Variants in PHACTR3 observed in about 807,000 individuals in gnomAD.
The protein encoded by PHACTR3 is protein phosphatase 1, regulatory subunit 123.
A neutral mutation model predicts 66.8 loss-of-function variants in PHACTR3; 16 were observed. The ratio of observed to expected loss-of-function variants is 0.24; its 90% CI spans 0.16 to 0.36. PHACTR3 has a LOEUF of 0.36. Among genes scored for constraint, PHACTR3 ranks in the 10% least tolerant of loss-of-function variants. The pLI is 1.00. For missense variants in PHACTR3, 647 were observed against 719.9 expected, an observed-to-expected ratio of 0.90 and a Z score of 1.16; for synonymous variants, 323 against 292.1, an observed-to-expected ratio of 1.11 and a Z score of -1.08.
At chr20:59,577,612 C>T (rs1266618138) in exon 1 of PHACTR3, 1 of 1,209,604 alleles carries the variant, frequency 8.3e-7, no homozygotes, top group Non-Finnish European at 1.0e-6. Context: ...CGAGATCCTG[C>T]GCAAGGTAAG....
chr20:59,731,400 A>C (rs902127237), intron 1 of PHACTR3, among the ~76,000 whole-genome samples: 1 of 152,322 alleles, frequency 6.6e-6, no homozygotes, highest in East Asian at 1.9e-4. Context: ...GCCACATACA[A>C]AAAAATCATC....
intron 1 of PHACTR3, among the ~76,000 whole-genome samples, chr20:59,583,758 G>C (rs890190784): frequency 6.6e-6 from 1 of 152,256 alleles, no homozygotes; most frequent in Admixed American, 6.5e-5. Context: ...GGGAGGACCG[G>C]GGGTCTGGCC....
At chr20:59,586,384 C>T (rs2033028871) in intron 1 of PHACTR3, among the ~76,000 whole-genome samples, 2 of 152,216 alleles carry the variant, frequency 1.3e-5, no homozygotes, top group East Asian at 3.8e-4. Flanking sequence ...CCCTTAACGA[C>T]CCTAATTCAC....
intron 1 of PHACTR3, among the ~76,000 whole-genome samples, chr20:59,634,927 C>T (rs1376943930): frequency 3.9e-5 from 6 of 152,220 alleles, no homozygotes; most frequent in South Asian, 2.1e-4. Context: ...GCAACCACAT[C>T]GGGCAGTGCA....
chr20:59,788,648 C>A (rs369819191), intron 7 of PHACTR3, among the ~76,000 whole-genome samples: 1 of 152,216 alleles, frequency 6.6e-6, no homozygotes, highest in South Asian at 2.1e-4. Context: ...ATCTCCATCC[C>A]TGGCTCCAGC....
At chr20:59,637,252 G>C (rs998686737) in intron 1 of PHACTR3, among the ~76,000 whole-genome samples, 1 of 152,220 alleles carries the variant, frequency 6.6e-6, no homozygotes, top group Admixed American at 6.5e-5. Context: ...GAGTCCTCAG[G>C]GTTCTCCACA....
intron 1 of PHACTR3, among the ~76,000 whole-genome samples, chr20:59,606,033 G>A (rs1469336944): frequency 1.3e-5 from 2 of 152,204 alleles, no homozygotes; most frequent in Non-Finnish European, 2.9e-5. Context: ...CAAGCCACAG[G>A]ACTCAGTTTT....
chr20:59,649,398 C>A (rs2035387401), intron 1 of PHACTR3, among the ~76,000 whole-genome samples: 1 of 152,132 alleles, frequency 6.6e-6, no homozygotes, highest in Admixed American at 6.5e-5. Context: ...GAAGTAAATT[C>A]AACAAAGAGT....
At chr20:59,747,654 A>G in intron 2 of PHACTR3, 104 bp from the exon 3 acceptor site, 1 of 1,329,092 alleles carries the variant, frequency 7.5e-7, no homozygotes, top group Non-Finnish European at 1.1e-6. Flanking sequence ...CTGCTAGCTC[A>G]GTGTTTTTGG....
chr20:59,722,263 G>T (rs1175981637), intron 1 of PHACTR3, among the ~76,000 whole-genome samples: 4 of 142,624 alleles, frequency 2.8e-5, no homozygotes, highest in Admixed American at 6.9e-5. Flanking sequence ...TGGCACCTCA[G>T]ATTGAACTGA....
Position 59,773,344 on chromosome 20 carries a change from T to C in PHACTR3, c.817T>C (p.Ser273Pro). 1.2e-6 allele frequency: 2 copies of C among 1,614,128 alleles called. No homozygotes were observed. Among genetic ancestry groups the C allele is most frequent in the Non-Finnish European group, 1.7e-6 (2 of 1,180,026 alleles). The change falls in exon 6 of 13, where the codon TCC becomes CCC. Residue 273 changes from serine (S) to proline (P), a missense_variant. Physicochemically the swap from Ser to Pro is moderately conservative, Grantham distance 74 (BLOSUM62 -1). This residue lies in a region of PHACTR3 where 577 missense variants were observed against 571.1 expected (regional missense o/e 1.01). Coordinates refer to ENST00000371015, the MANE Select transcript of PHACTR3 (RefSeq NM_080672.5). ...SADPSLRGQLSTPTGSPHLTT... is the reference protein window; with the variant it reads ...SADPSLRGQLPTPTGSPHLTT... ...CGACCCTTCCCTCCGGGGCCAGCTCTCCACACCCACGGGGTCTCCGCATCT... is the reference window on the plus strand; with the variant it reads ...CGACCCTTCCCTCCGGGGCCAGCTCCCCACACCCACGGGGTCTCCGCATCT...
At chr20:59,756,935 T>G (rs1226390468) in intron 4 of PHACTR3, among the ~76,000 whole-genome samples, 1 of 151,966 alleles carries the variant, frequency 6.6e-6, no homozygotes, top group African/African-American at 2.4e-5. Flanking sequence ...ACCTACAGAA[T>G]GGGGGAACAT....
intron 8 of PHACTR3, among the ~76,000 whole-genome samples, chr20:59,818,226 A>G (rs1039836613): frequency 2.6e-5 from 4 of 152,170 alleles, no homozygotes; most frequent in African/African-American, 9.7e-5. Flanking sequence ...GGCATGGGGA[A>G]GTCACCTCCT....
In PHACTR3 at chr20:59,604,809, C is replaced by A; in HGVS notation, c.-206C>A. ...CCGGGATGCGCCTGGCTGCAGCCGG[C>A]GAGGCTATTGTCTCCCCGCCCTGAA... On this transcript the variant is annotated 5_prime_UTR_variant, in exon 1 of 13. Coordinates refer to ENST00000371015, the MANE Select transcript of PHACTR3 (RefSeq NM_080672.5). 8.3e-7 allele frequency: 1 copy of A among 1,207,288 alleles called. No individual in the cohort carries two copies. The highest frequency in any genetic ancestry group is 1.0e-6 in the Non-Finnish European group (1 of 974,772). The allele number at this position is 1,207,288 out of a possible 1,614,324, so 74.8% of individuals were successfully genotyped here.
At chr20:59,737,835 G>A (rs932216100) in intron 1 of PHACTR3, among the ~76,000 whole-genome samples, 2 of 150,922 alleles carry the variant, frequency 1.3e-5, no homozygotes, top group Non-Finnish European at 2.9e-5. Context: ...GAAAGGTGGA[G>A]TGAGTGAGTG....
intron 1 of PHACTR3, among the ~76,000 whole-genome samples, chr20:59,630,152 C>T (rs772620898): frequency 2.0e-5 from 3 of 152,034 alleles, no homozygotes; most frequent in Non-Finnish European, 4.4e-5. Flanking sequence ...TTATAAAGAA[C>T]GTTCATATCA....
At chr20:59,605,899 C>A (rs2033653449) in intron 1 of PHACTR3, among the ~76,000 whole-genome samples, 1 of 149,846 alleles carries the variant, frequency 6.7e-6, no homozygotes, top group African/African-American at 2.5e-5. Context: ...ACCATGGAGA[C>A]GCAGGAAGCA....
At chr20:59,800,755 G>A (rs1568834784) in intron 7 of PHACTR3, among the ~76,000 whole-genome samples, 1 of 152,036 alleles carries the variant, frequency 6.6e-6, no homozygotes, top group Non-Finnish European at 1.5e-5. Flanking sequence ...GATGTTTTTT[G>A]TATTCCTATA....
intron 9 of PHACTR3, 38 bp downstream of exon 9, chr20:59,836,598 C>G: frequency 2.5e-6 from 4 of 1,596,158 alleles, no homozygotes; most frequent in Non-Finnish European, 3.4e-6. Context: ...TTTTCCTTCA[C>G]GTGTGGTGAG....
Sources: gnomAD v4.1 joint callset for allele counts (sites outside exome capture counted in the v4.1 genomes callset) on GRCh38, gnomAD v4.1.1 for gene constraint, gnomAD v4.1.1 regional missense constraint, MANE v1.5 for transcripts, NCBI Gene and HGNC (gene_info 2026-07-23, HGNC 2026-07-21) for gene names.